Variants in SPANXN4 observed in about 807,000 individuals in gnomAD.
The protein encoded by SPANXN4 is SPANX family member N4.
Under a neutral mutation model 6.0 loss-of-function variants are expected in SPANXN4, and 5 were observed. That is an observed-to-expected ratio of 0.83 (90% CI 0.44 to 1.75). SPANXN4 has a LOEUF of 1.75. Ranked by LOEUF, SPANXN4 falls within the 40% of genes most tolerant of loss-of-function variation. SPANXN4 has a pLI of 0.02. For missense variants in SPANXN4, 157 were observed against 108.6 expected (o/e 1.45, Z -1.98); for synonymous variants, 45 against 38.0 (o/e 1.19, Z -0.68).
At chrX:143,026,787 G>T (rs914592987) in intron 1 of SPANXN4, among the ~76,000 whole-genome samples, 2 of 111,029 alleles carry the variant, frequency 1.8e-5, no homozygotes, top group Non-Finnish European at 3.8e-5. Context: ...GATAAAGAGG[G>T]ATATGAAGGT....
Position 143,034,215 on chromosome X carries a change from C to T in SPANXN4, c.266C>T (p.Ala89Val), listed in dbSNP as rs768380677. 13 of 1,174,313 alleles carry T rather than the reference C, an allele frequency of 1.1e-5. No homozygotes were observed. The East Asian group carries it at 4.1e-4, about 37-fold the overall frequency. The stretch of plus-strand genomic sequence containing the variant: ...GAGAAAGGAGACCTAGACATATCTG[C>T]AGGATCTCCACAGGATGGTGGGCAG... Residue 89 changes from alanine to valine, a missense_variant, in exon 2 of 3, where the codon GCA becomes GTA. By Grantham distance (64) the Ala-to-Val change is moderately conservative (BLOSUM62 0). Coordinates refer to ENST00000370504, the Ensembl canonical transcript of SPANXN4.
exon 1 of SPANXN4, chrX:143,025,957 T>G: frequency 9.0e-7 from 1 of 1,112,054 alleles, no homozygotes. Flanking sequence ...TCAATACAGC[T>G]GTGGAAATCT....
At chrX:143,034,969 T>C (rs1172661261), downstream of SPANXN4, among the ~76,000 whole-genome samples, 2 of 107,204 alleles carry the variant, frequency 1.9e-5, no homozygotes, top group Non-Finnish European at 3.8e-5. Context: ...CCAGCATTTC[T>C]GTAGAATGTC....
intron 1 of SPANXN4, among the ~76,000 whole-genome samples, chrX:143,032,098 GTCT>G (rs1002702352): frequency 8.9e-6 from 1 of 112,028 alleles, no homozygotes; most frequent in Non-Finnish European, 1.9e-5. Context: ...TGCATTCCCT[GTCT>G]TCTGGGGAGA....
intron 1 of SPANXN4, among the ~76,000 whole-genome samples, chrX:143,030,353 T>A (rs1390969236): frequency 9.0e-6 from 1 of 111,154 alleles, no homozygotes; most frequent in Non-Finnish European, 1.9e-5. Context: ...ACACCCGACA[T>A]CCTCAATTAT....
intron 1 of SPANXN4, among the ~76,000 whole-genome samples, chrX:143,026,748 G>C (rs764430651): frequency 1.4e-4 from 15 of 110,881 alleles, no homozygotes; most frequent in African/African-American, 3.6e-4. Context: ...CTGGGTGGCT[G>C]CCTGGACAGG....
At chrX:143,034,917 A>T (rs1482221874), downstream of SPANXN4, among the ~76,000 whole-genome samples, 1 of 109,560 alleles carries the variant, frequency 9.1e-6, no homozygotes, top group Non-Finnish European at 1.9e-5. Flanking sequence ...TTAACACAAG[A>T]ATACAAGTAA....
chrX:143,032,124 G>C (rs1209846570), intron 1 of SPANXN4, among the ~76,000 whole-genome samples: 1 of 111,777 alleles, frequency 8.9e-6, no homozygotes, highest in Non-Finnish European at 1.9e-5. Context: ...GTGGAGGAGA[G>C]CATGACATAC....
At chrX:143,027,810 T>A (rs1243466770) in intron 1 of SPANXN4, among the ~76,000 whole-genome samples, 2 of 107,163 alleles carry the variant, frequency 1.9e-5, no homozygotes, top group African/African-American at 6.9e-5. Flanking sequence ...AGGTTGGGGG[T>A]GGGGACTTAG....
chrX:143,033,462 G>T (rs894471818), intron 1 of SPANXN4, among the ~76,000 whole-genome samples: 7 of 111,396 alleles, frequency 6.3e-5, no homozygotes, highest in African/African-American at 2.3e-4. Flanking sequence ...AGCAACACAG[G>T]TATATTGCCG....
intron 1 of SPANXN4, among the ~76,000 whole-genome samples, chrX:143,030,656 A>G (rs1932805062): frequency 9.0e-6 from 1 of 111,051 alleles, no homozygotes; most frequent in Non-Finnish European, 1.9e-5. Flanking sequence ...CATCTTTTAG[A>G]TCCAATTCAG....
intron 1 of SPANXN4, among the ~76,000 whole-genome samples, chrX:143,028,110 G>T (rs1477330813): frequency 9.0e-6 from 1 of 111,309 alleles, no homozygotes; most frequent in East Asian, 2.9e-4. Context: ...GAGTAATTTG[G>T]GGGTGAGGAA....
At chrX:143,031,922 C>T (rs1932812209) in intron 1 of SPANXN4, among the ~76,000 whole-genome samples, 1 of 111,491 alleles carries the variant, frequency 9.0e-6, no homozygotes, top group East Asian at 2.8e-4. Flanking sequence ...TTTATTTATG[C>T]CAGCTAGAAG....
At chrX:143,034,203 T>C in exon 2 of SPANXN4, 2 of 1,178,905 alleles carry the variant, frequency 1.7e-6, no homozygotes, top group Non-Finnish European at 2.3e-6. Flanking sequence ...AAAGGAGACC[T>C]AGACATATCT....
chrX:143,033,487 G>C (rs749735372), intron 1 of SPANXN4, among the ~76,000 whole-genome samples: 1 of 111,590 alleles, frequency 9.0e-6, no homozygotes, highest in African/African-American at 3.3e-5. Context: ...CTGCAGAAGT[G>C]GGGGACCAGC....
chrX:143,033,153 C>T (rs2124368586), intron 1 of SPANXN4, among the ~76,000 whole-genome samples: 1 of 111,483 alleles, frequency 9.0e-6, no homozygotes, highest in Non-Finnish European at 1.9e-5. Context: ...TGGGGGTGAT[C>T]CTTACTGGAG....
exon 1 of SPANXN4, chrX:143,026,056 G>A (rs1173000414): frequency 8.3e-7 from 1 of 1,208,833 alleles, no homozygotes; most frequent in Non-Finnish European, 1.1e-6. Context: ...ATAAAATGAA[G>A]AGCCCCTGTG....
At chrX:143,026,998 GC>G (rs1569428624) in intron 1 of SPANXN4, among the ~76,000 whole-genome samples, 1 of 111,574 alleles carries the variant, frequency 9.0e-6, no homozygotes, top group African/African-American at 3.3e-5. Flanking sequence ...TGCTTGTGAG[GC>G]AAAATGTTAA....
rs1418497098 is a variant in SPANXN4 at position 143,026,074 on chromosome X, CAAAAG to C, written c.66_70del (p.Arg22SerfsTer2). On this transcript the variant is annotated frameshift_variant, in exon 1 of 3. Coordinates refer to ENST00000370504, the Ensembl canonical transcript of SPANXN4. LOFTEE classifies it high-confidence loss of function. ...AAATGAAGAGCCCCTGTGAATCTAA[CAAAAG>C]AAAAGTTGACAAGGTCAGATTGTTA... 9 of 1,204,685 alleles carry C rather than the reference CAAAAG, an allele frequency of 7.5e-6. No individual in the cohort carries two copies. The Admixed American group carries it at 1.3e-4, about 18-fold the overall frequency.
Sources: gnomAD v4.1 joint callset for allele counts (sites outside exome capture counted in the v4.1 genomes callset) on GRCh38, gnomAD v4.1.1 for gene constraint, MANE v1.5 for transcripts, NCBI Gene and HGNC (gene_info 2026-07-23, HGNC 2026-07-21) for gene names.